SCN3A: variants seen among roughly 807,000 people sequenced by gnomAD.
SCN3A encodes the protein sodium voltage-gated channel alpha subunit 3.
A neutral mutation model predicts 187.6 loss-of-function variants in SCN3A; 60 were observed. That is an observed-to-expected ratio of 0.32 (90% CI 0.26 to 0.40). The LOEUF is 0.40. Among genes scored for constraint, SCN3A ranks in the 10% least tolerant of loss-of-function variants. SCN3A has a pLI of 1.00. For synonymous variants in SCN3A, 788 were observed against 829.2 expected (o/e 0.95, Z 0.85); for missense variants, 1,601 against 2,428.2 (o/e 0.66, Z 7.16).
At chr2:165,110,379 G>T (rs985267069) in intron 21 of SCN3A, among the ~76,000 whole-genome samples, 5 of 152,184 alleles carry the variant, frequency 3.3e-5, no homozygotes, top group Admixed American at 3.3e-4. Flanking sequence ...TTTAGACAGA[G>T]AATTGAAGAG....
At chr2:165,198,947 C>T (rs1474927578) in intron 1 of SCN3A, among the ~76,000 whole-genome samples, 1 of 151,956 alleles carries the variant, frequency 6.6e-6, no homozygotes, top group Non-Finnish European at 1.5e-5. Flanking sequence ...GCCCACAAAA[C>T]GTGTCCTATT....
At chr2:165,158,146 CAT>C (rs891842862) in intron 9 of SCN3A, among the ~76,000 whole-genome samples, 21 of 152,320 alleles carry the variant, frequency 1.4e-4, no homozygotes, top group African/African-American at 4.1e-4. Context: ...AGGAGATACA[CAT>C]GTTTGTAATT....
intron 26 of SCN3A, chr2:165,093,911 T>A (rs2105633662): frequency 5.7e-6 from 1 of 176,904 alleles, no homozygotes; most frequent in South Asian, 1.3e-4. Context: ...AGAGTATGCA[T>A]TCTGAATATG....
intron 1 of SCN3A, among the ~76,000 whole-genome samples, chr2:165,189,355 A>G (rs1337952953): frequency 6.6e-6 from 1 of 152,190 alleles, no homozygotes; most frequent in African/African-American, 2.4e-5. Context: ...GAAGGTGATG[A>G]GATAAGATGG....
At chr2:165,170,609 C>T (rs1690041461) in intron 3 of SCN3A, 61 bp from the exon 4 acceptor site, 1 of 1,002,632 alleles carries the variant, frequency 1.0e-6, no homozygotes, top group Non-Finnish European at 1.6e-6. Flanking sequence ...AAAGAGCTTA[C>T]ATACATGAAG....
intron 10 of SCN3A, 24 bp downstream of exon 10, chr2:165,155,738 T>C: frequency 6.2e-7 from 1 of 1,613,502 alleles, no homozygotes; most frequent in Non-Finnish European, 8.5e-7. Flanking sequence ...AAATAAATGT[T>C]ATGCATGCTC....
intron 2 of SCN3A, among the ~76,000 whole-genome samples, chr2:165,181,363 A>G (rs1395976696): frequency 6.6e-6 from 1 of 152,252 alleles, no homozygotes; most frequent in African/African-American, 2.4e-5. Flanking sequence ...CTTTTGATTT[A>G]TCTTGTCCTT....
chr2:165,178,227 T>C (rs1321315300), intron 2 of SCN3A, among the ~76,000 whole-genome samples: 1 of 152,040 alleles, frequency 6.6e-6, no homozygotes. Flanking sequence ...TATTATATTA[T>C]AATATTATTA....
intron 23 of SCN3A, among the ~76,000 whole-genome samples, chr2:165,097,050 A>C (rs1265029459): frequency 6.6e-6 from 1 of 152,208 alleles, no homozygotes; most frequent in Non-Finnish European, 1.5e-5. Context: ...AAAACATACT[A>C]AAAGCTTAAC....
At chr2:165,146,690 AAGCAAT>A (rs1290267116) in intron 12 of SCN3A, 43 bp downstream of exon 12, 2 of 1,605,922 alleles carry the variant, frequency 1.2e-6, no homozygotes, top group Non-Finnish European at 1.7e-6. Context: ...AAAAACTAAA[AAGCAAT>A]AGCAATGACA....
intron 11 of SCN3A, among the ~76,000 whole-genome samples, chr2:165,149,643 A>T (rs928514594): frequency 1.3e-5 from 2 of 152,190 alleles, no homozygotes; most frequent in African/African-American, 4.8e-5. Flanking sequence ...GTGATTTGCC[A>T]GTTCCCTCAA....
rs182148698 is a variant in SCN3A, at chr2:165,140,330, G to A, written c.2019+321C>T. Among the ~76,000 whole-genome samples, 57 of 151,850 alleles carry A rather than the reference G, an allele frequency of 3.8e-4. 1 individual carries two copies. The highest frequency in any genetic ancestry group is 1.3e-3 in the African/African-American group (52 of 41,414). On this transcript the variant is annotated intron_variant, in intron 13 of 27. Coordinates refer to ENST00000283254, the MANE Select transcript of SCN3A (RefSeq NM_006922.4). The surrounding 1 kb of genome is among the most constrained non-coding windows in gnomAD (Gnocchi z 4.2). ...TGGTGAATATACATCTTATAGATTT[G>A]ATGGTGAAAATGTCCATTATTTGTC...
intron 2 of SCN3A, among the ~76,000 whole-genome samples, chr2:165,180,194 C>T (rs17241540): frequency 0.043 from 6,480 of 152,056 alleles, 176 homozygotes; most frequent in Non-Finnish European, 0.064. Context: ...GAATAAACTG[C>T]GGAACTCCAA....
At chr2:165,127,015 T>C (rs1391051049) in intron 18 of SCN3A, among the ~76,000 whole-genome samples, 1 of 152,140 alleles carries the variant, frequency 6.6e-6, no homozygotes, top group Non-Finnish European at 1.5e-5. Context: ...TTAAAGAACA[T>C]AATGTAGTTG....
intron 12 of SCN3A, among the ~76,000 whole-genome samples, chr2:165,145,680 T>C (rs2105828201): frequency 6.6e-6 from 1 of 152,210 alleles, no homozygotes; most frequent in Non-Finnish European, 1.5e-5. Flanking sequence ...TTATTACTTC[T>C]GGTTTTTTTT....
At chr2:165,099,119 T>C (rs923452576) in intron 22 of SCN3A, among the ~76,000 whole-genome samples, 2 of 152,202 alleles carry the variant, frequency 1.3e-5, no homozygotes, top group Non-Finnish European at 2.9e-5. Flanking sequence ...GGGTGAACTT[T>C]AAAGTCAAGG....
intron 12 of SCN3A, among the ~76,000 whole-genome samples, chr2:165,143,544 A>G (rs1260992668): frequency 6.6e-6 from 1 of 152,184 alleles, no homozygotes; most frequent in Admixed American, 6.6e-5. Context: ...AAAGAAGATA[A>G]CAGAAATAGC....
At position 165,092,585 on chromosome 2, in the gene SCN3A, A is replaced by G; in HGVS notation, c.4537-61T>C. 6.7e-7 allele frequency: 1 copy of G among 1,501,330 alleles called. No homozygotes were observed. The highest frequency in any genetic ancestry group is 1.4e-5 in the African/African-American group (1 of 72,186). The allele number at this position is 1,501,330 out of a possible 1,614,324, so 93.0% of individuals were successfully genotyped here. A position where few individuals can be genotyped will look rare whatever the true frequency, so the allele number is the denominator to read the frequency against. ...TATATTTCATAAAGAATAATGCAGT[A>G]AAATTGTAGATAAAGCCCTTCCACA... On this transcript the variant is annotated intron_variant, in intron 26 of 27. Coordinates refer to ENST00000283254, the MANE Select transcript of SCN3A (RefSeq NM_006922.4). The surrounding 1 kb of genome is among the most constrained non-coding windows in gnomAD (Gnocchi z 4.2).
At chr2:165,164,249 AATATGTATTCTT>A in intron 6 of SCN3A, 131 bp downstream of exon 6, 3 of 1,023,826 alleles carry the variant, frequency 2.9e-6, no homozygotes, top group Non-Finnish European at 4.4e-6. Context: ...TATGTATTCT[AATATGTATTCTT>A]AAAATACACA....
Sources: allele counts gnomAD v4.1 joint callset (sites outside exome capture counted in the v4.1 genomes callset), GRCh38; gene constraint gnomAD v4.1.1; non-coding constraint Gnocchi (gnomAD v3.1); transcripts MANE v1.5; gene names NCBI Gene and HGNC (gene_info 2026-07-23, HGNC 2026-07-21).